EFR3B: variants seen among roughly 807,000 people sequenced by gnomAD.
EFR3B encodes the protein EFR3 homolog B, also known as protein EFR3 homolog B.
In EFR3B, 64 loss-of-function variants were observed where a neutral mutation model predicts 104.7. The observed-to-expected ratio is 0.61, with a 90% confidence interval of 0.50 to 0.75. EFR3B has a LOEUF of 0.75. EFR3B is among the 30% of genes least tolerant of loss of function. The pLI, the probability that EFR3B is intolerant of heterozygous loss-of-function variation, is 0.00. For synonymous variants in EFR3B, 385 were observed against 417.9 expected, an observed-to-expected ratio of 0.92 and a Z score of 0.96; for missense variants, 750 against 1,078.5, an observed-to-expected ratio of 0.70 and a Z score of 4.27.
At chr2:25,103,021 C>T (rs1018768964) in intron 3 of EFR3B, among the ~76,000 whole-genome samples, 3 of 152,194 alleles carry the variant, frequency 2.0e-5, no homozygotes, top group Non-Finnish European at 4.4e-5. Flanking sequence ...AGCTGGTCCT[C>T]AGGCCTGTCT....
intron 18 of EFR3B, 109 bp from the exon 19 acceptor site, chr2:25,144,851 G>A: frequency 1.1e-6 from 1 of 874,616 alleles, no homozygotes; most frequent in Admixed American, 2.3e-5. Context: ...CTGAGCCTTA[G>A]AGGACTGTGG....
In EFR3B at chr2:25,136,590, A is replaced by G. The variant is rs775062220; in HGVS notation, c.1552A>G (p.Met518Val). The G allele has an allele frequency of 1.4e-5, 21 of 1,551,190 alleles. No individual in the cohort carries two copies. The highest frequency in any genetic ancestry group is 1.8e-5 in the Non-Finnish European group (21 of 1,146,764). Reference sequence around the variant, plus strand: ...GTGCTCTCGACAGGACACCGTCTTCATGAAGAAGGTAAACAAGCATGACCT... The same window carrying G: ...GTGCTCTCGACAGGACACCGTCTTCGTGAAGAAGGTAAACAAGCATGACCT... ...DKCSRQDTVF[M>V]KKHSQQLYRH... The change falls in exon 14 of 23, where the codon ATG becomes GTG. Residue 518 changes from methionine to valine, a missense_variant. Coordinates refer to ENST00000403714, the MANE Select transcript of EFR3B (RefSeq NM_014971.2). This position sits in a 1 kb window ranked among gnomAD's most constrained non-coding sequence, Gnocchi z 4.0.
chr2:25,121,694 G>C lies in EFR3B; in HGVS notation c.385G>C (p.Glu129Gln). 6.4e-7 allele frequency: 1 copy of C among 1,551,660 alleles called. No homozygotes were observed. Among genetic ancestry groups the C allele is most frequent in the Non-Finnish European group, 8.7e-7 (1 of 1,146,988 alleles). Residue 129 changes from glutamate (E) to glutamine (Q), a missense_variant, in exon 5 of 23, where the codon GAG (glutamate) becomes CAG (glutamine). Coordinates refer to ENST00000403714, the MANE Select transcript of EFR3B (RefSeq NM_014971.2). Reference sequence around the variant, plus strand: ...ATAGTTTGTGAAGTTTGCCAACATCGAGGAGGACACCCCGTCCTATCACCG... The same window carrying C: ...ATAGTTTGTGAAGTTTGCCAACATCCAGGAGGACACCCCGTCCTATCACCG... ...TNSFVKFANI[E>Q]EDTPSYHRSY...
intron 2 of EFR3B, among the ~76,000 whole-genome samples, chr2:25,092,697 C>G (rs575367828): frequency 5.2e-4 from 79 of 151,714 alleles, no homozygotes; most frequent in Non-Finnish European, 9.3e-4. Flanking sequence ...TACAGGCACT[C>G]GCCACCATGC....
At chr2:25,112,429 A>G (rs1558606437) in intron 4 of EFR3B, among the ~76,000 whole-genome samples, 4 of 152,208 alleles carry the variant, frequency 2.6e-5, no homozygotes, top group Non-Finnish European at 1.5e-5. Context: ...AGAGTCTTGA[A>G]GGGGGGACTG....
At position 25,042,114 on chromosome 2, in the gene EFR3B, G is replaced by C. The variant is rs549199412; in HGVS notation, c.-199G>C. 2.7e-6 allele frequency: 1 copy of C among 368,744 alleles called. No homozygotes were observed. Among genetic ancestry groups the C allele is most frequent in the Non-Finnish European group, 4.5e-6 (1 of 220,718 alleles). 22.8% of individuals were successfully genotyped at this position (368,744 alleles called of 1,614,324 possible). On this transcript the variant is annotated 5_prime_UTR_variant, in exon 1 of 23. Transcript: ENST00000403714. The surrounding 1 kb of genome is among the most constrained non-coding windows in gnomAD (Gnocchi z 5.4). ...AACCCGAGCGGAGGCGGCCGCTGCAGCCCGGCGCTGAATGGGCTGGCGGCG... is the reference window on the plus strand; with the variant it reads ...AACCCGAGCGGAGGCGGCCGCTGCACCCCGGCGCTGAATGGGCTGGCGGCG...
At chr2:25,081,653 C>CG in intron 1 of EFR3B, 1 of 612,986 alleles carries the variant, frequency 1.6e-6, no homozygotes, top group Non-Finnish European at 2.9e-6. Context: ...AGGGTAGCTG[C>CG]GGCCAACAGC....
At chr2:25,145,117 C>T (rs1177013487) in intron 19 of EFR3B, 66 bp downstream of exon 19, 1 of 1,412,768 alleles carries the variant, frequency 7.1e-7, no homozygotes, top group Non-Finnish European at 9.8e-7. Flanking sequence ...GGACTCCAGG[C>T]TCCCCTGCCT....
chr2:25,118,002 C>CT (rs1179956977), intron 4 of EFR3B, among the ~76,000 whole-genome samples: 37 of 152,130 alleles, frequency 2.4e-4, no homozygotes, highest in African/African-American at 8.7e-4. Flanking sequence ...TATTTTGAGA[C>CT]TGAGTCTCGT....
At position 25,131,379 on chromosome 2, in the gene EFR3B, A is replaced by G. The variant is rs1164884584; in HGVS notation, c.861A>G (p.Ser287=). Residue 287 remains serine (S), a synonymous_variant, in exon 9 of 23, where the codon TCA becomes TCG. Coordinates refer to ENST00000403714, the MANE Select transcript of EFR3B (RefSeq NM_014971.2). The surrounding 1 kb of genome is among the most constrained non-coding windows in gnomAD (Gnocchi z 7.6). ...TCTTCCTCCCGCAGCCGCAGCACTC[A>G]CACCTGGTCATCCAGCAGCTCCTGG... The part of the protein sequence containing the change: ...IIMYSIQPQH[S]HLVIQQLLGH... 7.1e-6 allele frequency: 11 copies of G among 1,550,792 alleles called. No individual in the cohort carries two copies. The highest frequency in any genetic ancestry group is 1.7e-4 in the Middle Eastern group (1 of 5,890).
At chr2:25,057,783 CAAA>C (rs11378748) in intron 1 of EFR3B, among the ~76,000 whole-genome samples, 4 of 138,626 alleles carry the variant, frequency 2.9e-5, no homozygotes, top group African/African-American at 5.3e-5. Context: ...AAAACTCCGT[CAAA>C]AAAAAAAAAA....
At chr2:25,080,311 T>TTTTTTTTTTTTTTTTTTTTGTTG in intron 1 of EFR3B, 1 of 734,946 alleles carries the variant, frequency 1.4e-6, no homozygotes. Context: ...TTTTTTTTTT[T>TTTTTTTTTTTTTTTTTTTTGTTG]GAGATGGAGT....
chr2:25,080,779 A>G (rs1175342681), intron 1 of EFR3B: 4 of 1,284,230 alleles, frequency 3.1e-6, no homozygotes, highest in Admixed American at 3.5e-5. Context: ...ATTAGAGTCA[A>G]AATTGATCTT....
intron 1 of EFR3B, among the ~76,000 whole-genome samples, chr2:25,084,395 C>T (rs1345442924): frequency 6.6e-6 from 1 of 151,960 alleles, no homozygotes; most frequent in Non-Finnish European, 1.5e-5. Flanking sequence ...CGCTGCCACG[C>T]CCTGCTAATT....
chr2:25,111,405 G>A (rs1489775916), intron 4 of EFR3B, among the ~76,000 whole-genome samples: 3 of 150,936 alleles, frequency 2.0e-5, no homozygotes, highest in East Asian at 3.9e-4. Context: ...CTGGGATCAC[G>A]CCCATTTCTC....
At chr2:25,120,839 A>G (rs1350382544) in intron 4 of EFR3B, among the ~76,000 whole-genome samples, 2 of 152,214 alleles carry the variant, frequency 1.3e-5, no homozygotes, top group African/African-American at 2.4e-5. Flanking sequence ...ATCAAGACCT[A>G]CTGAACTGAA....
At chr2:25,135,665 C>A in intron 13 of EFR3B, 26 bp downstream of exon 13, 1 of 1,551,410 alleles carries the variant, frequency 6.4e-7, no homozygotes, top group Non-Finnish European at 8.7e-7. Context: ...CTCCTCCAGG[C>A]AATGCAAGAT....
At chr2:25,127,730 G>A (rs539230795) in intron 5 of EFR3B, among the ~76,000 whole-genome samples, 6 of 152,084 alleles carry the variant, frequency 3.9e-5, no homozygotes, top group South Asian at 2.1e-4. Flanking sequence ...GCTCCAAGCC[G>A]ACACCCCTTT....
intron 18 of EFR3B, among the ~76,000 whole-genome samples, 189 bp from the exon 19 acceptor site, chr2:25,144,771 C>G (rs1346957383): frequency 1.3e-5 from 2 of 152,176 alleles, no homozygotes; most frequent in Non-Finnish European, 2.9e-5. Context: ...ACTGACCACC[C>G]TAAGATGGAC....
Sources: allele counts gnomAD v4.1 joint callset (sites outside exome capture counted in the v4.1 genomes callset), GRCh38; gene constraint gnomAD v4.1.1; non-coding constraint Gnocchi (gnomAD v3.1); transcripts MANE v1.5; gene names NCBI Gene and HGNC (gene_info 2026-07-23, HGNC 2026-07-21).